Variants in E4F1 observed in about 807,000 individuals in gnomAD.
The protein encoded by E4F1 is transcription factor E4F1.
Under a neutral mutation model 72.9 loss-of-function variants are expected in E4F1, and 30 were observed. The ratio of observed to expected loss-of-function variants is 0.41; its 90% confidence interval spans 0.31 to 0.56. The LOEUF is 0.56. Ranked by LOEUF, E4F1 falls within the 20% of genes least tolerant of loss-of-function variation. The probability of loss-of-function intolerance (pLI) is 0.25; values close to 1 mark genes in which losing one functional copy is unlikely to be tolerated. For missense variants in E4F1, 1,091 were observed against 1,117.5 expected (o/e 0.98, Z 0.34); for synonymous variants, 542 against 478.2 (o/e 1.13, Z -1.74).
rs143429694 is a variant in E4F1 at position 2,235,088 on chromosome 16, C to T, written c.1943C>T (p.Ala648Val). 15 of 1,612,276 alleles carry T rather than the reference C, an allele frequency of 9.3e-6. No homozygotes were observed. In the Admixed American group the frequency reaches 1.2e-4, roughly 13 times the overall value. The change falls in exon 13 of 14, where the codon GCG (alanine) becomes GTG (valine). Residue 648 changes from alanine (A) to valine (V), a missense_variant. By Grantham distance (64) the Ala-to-Val change is moderately conservative. Transcript: ENST00000301727. ...TTCTGCCCATCTGCCCAGGCCACTG[C>T]GGACGATGCGGAGACCAGTGAGGCC... is the stretch of plus-strand genomic sequence containing the variant. The part of the protein sequence containing the change: ...DTQEYIIEAT[A>V]DDAETSEATE...
intron 4 of E4F1, 33 bp downstream of exon 4, chr16:2,232,397 T>A (rs1013157993): frequency 4.4e-6 from 7 of 1,602,080 alleles, no homozygotes; most frequent in Non-Finnish European, 6.0e-6. Context: ...AGTGTGTGGG[T>A]GGCAGGCCCC....
intron 7 of E4F1, 50 bp downstream of exon 7, chr16:2,233,233 G>T (rs753134859): frequency 6.5e-7 from 1 of 1,547,780 alleles, no homozygotes. Flanking sequence ...CTGCCTGCTC[G>T]GTGCCAGTCT....
At chr16:2,224,846 A>G (rs779637404) in intron 1 of E4F1, among the ~76,000 whole-genome samples, 2 of 152,074 alleles carry the variant, frequency 1.3e-5, no homozygotes, top group East Asian at 1.9e-4. Flanking sequence ...ATTGGATCTC[A>G]GCACTGTGAA....
intron 8 of E4F1, 44 bp downstream of exon 8, chr16:2,233,691 C>T (rs1415103299): frequency 1.3e-6 from 2 of 1,516,914 alleles, no homozygotes; most frequent in East Asian, 4.9e-5. Flanking sequence ...GGGCTGGATC[C>T]CAGGGGCTGT....
At position 2,232,304 on chromosome 16, in the gene E4F1, G is replaced by A. The variant is rs756620926; in HGVS notation, c.549G>A (p.Lys183=). The A allele has an allele frequency of 2.5e-6, 4 of 1,611,214 alleles. No homozygotes were observed. The highest frequency in any genetic ancestry group is 2.2e-5 in the South Asian group (2 of 90,826). The change falls in exon 4 of 14, where the codon AAG becomes AAA. Residue 183 remains lysine (K), a synonymous_variant. Coordinates refer to ENST00000301727, the MANE Select transcript of E4F1 (RefSeq NM_004424.5). ...GGGAGGGTGAGCAGGCCCAGGTGAAGCTACTGGTGAACAAGGATGGCCGCT... is the reference window on the plus strand; with the variant it reads ...GGGAGGGTGAGCAGGCCCAGGTGAAACTACTGGTGAACAAGGATGGCCGCT... ...LAGEGEQAQV[K]LLVNKDGRYV...
chr16:2,229,256 C>A (rs1161572960), intron 2 of E4F1, among the ~76,000 whole-genome samples: 6 of 152,268 alleles, frequency 3.9e-5, no homozygotes, highest in African/African-American at 1.4e-4. Flanking sequence ...TTCCTGCAGA[C>A]TGGCCCAGCT....
Position 2,228,403 on chromosome 16 carries a change from C to T in E4F1, c.189C>T (p.Cys63=), listed in dbSNP as rs1456526814. 11 of 1,613,830 alleles carry T rather than the reference C, an allele frequency of 6.8e-6. No individual in the cohort carries two copies. The highest frequency in any genetic ancestry group is 1.3e-5 in the African/African-American group (1 of 75,070). ...ACGATGTGCACAGATGCGGCCGCTG[C>T]CAGGCAGAGTTCACCGCCTTGGAGG... The part of the protein sequence containing the change: ...DEDDVHRCGR[C]QAEFTALEDF... The change falls in exon 2 of 14, where the codon TGC becomes TGT. Residue 63 remains cysteine, a synonymous_variant. Transcript: ENST00000301727.
intron 1 of E4F1, among the ~76,000 whole-genome samples, chr16:2,225,877 C>G (rs553821423): frequency 1.3e-5 from 2 of 151,710 alleles, no homozygotes; most frequent in African/African-American, 4.8e-5. Flanking sequence ...GGGCGGATCC[C>G]GAGGTCAGGA....
chr16:2,225,891 C>G (rs1226965787), intron 1 of E4F1, among the ~76,000 whole-genome samples: 1 of 151,118 alleles, frequency 6.6e-6, no homozygotes, highest in African/African-American at 2.4e-5. Context: ...GTCAGGAGAT[C>G]GAGACCACCC....
rs546597815 is a variant in E4F1, at chr16:2,234,842, C to G, written c.1793-17C>G. 3.9e-6 allele frequency: 6 copies of G among 1,548,044 alleles called. No homozygotes were observed. Among genetic ancestry groups the G allele is most frequent in the African/African-American group, 1.4e-5 (1 of 73,002 alleles). ...GGGCCGGGGCTTGCCTAGCCCTGAC[C>G]GAGTCCCCACCCACAGGGGGCTGCC... On this transcript the variant is annotated splice_polypyrimidine_tract_variant and intron_variant, in intron 11 of 13. Coordinates refer to ENST00000301727, the MANE Select transcript of E4F1 (RefSeq NM_004424.5).
rs35337547 is a variant in E4F1, at chr16:2,228,385, G to A, written c.171G>A (p.Val57=). 13 of 1,613,692 alleles carry A rather than the reference G, an allele frequency of 8.1e-6. No homozygotes were observed. Among genetic ancestry groups the A allele is most frequent in the African/African-American group, 8.0e-5 (6 of 74,950 alleles). The change falls in exon 2 of 14, where the codon GTG becomes GTA. Residue 57 remains valine (V), a synonymous_variant. Coordinates refer to ENST00000301727, the MANE Select transcript of E4F1 (RefSeq NM_004424.5). Reference sequence around the variant, plus strand: ...GGCTCGTTGCAGATGAGGACGATGTGCACAGATGCGGCCGCTGCCAGGCAG... The same window carrying A: ...GGCTCGTTGCAGATGAGGACGATGTACACAGATGCGGCCGCTGCCAGGCAG... ...APFSEEDEDD[V]HRCGRCQAEF...
rs1159369185 is a variant in E4F1, at chr16:2,235,577, A to G, written c.*5A>G. 1 of 1,581,772 alleles carries G rather than the reference A, an allele frequency of 6.3e-7. No homozygotes were observed. On this transcript the variant is annotated 3_prime_UTR_variant, in exon 14 of 14. Coordinates refer to ENST00000301727, the MANE Select transcript of E4F1 (RefSeq NM_004424.5). ...GTGCAGACGGTCATCGTCTAGCATG[A>G]GGTCTGCGGGGTCCTGGCCGGGCAG...
chr16:2,234,127 G>A (rs751586767), intron 9 of E4F1, 44 bp from the exon 10 acceptor site: 1 of 1,598,300 alleles, frequency 6.3e-7, no homozygotes, highest in South Asian at 1.1e-5. Context: ...GGCCTGGCGG[G>A]CCCGCGGGTG....
In E4F1 at chr16:2,223,605, C is replaced by A. The variant is rs777312272; in HGVS notation, c.-9C>A. On this transcript the variant is annotated 5_prime_UTR_variant, in exon 1 of 14. Coordinates refer to ENST00000301727, the MANE Select transcript of E4F1 (RefSeq NM_004424.5). ...GTAAATCCGCCATCTTCCTGCGGCG[C>A]GTTGCGACATGGAGGGCGCGATGGC... 2 of 1,585,170 alleles carry A rather than the reference C, an allele frequency of 1.3e-6. No individual in the cohort carries two copies. The highest frequency in any genetic ancestry group is 2.2e-5 in the South Asian group (2 of 89,442).
rs756118944 is a variant in E4F1, at chr16:2,229,621, G to A, written c.361G>A (p.Val121Met). 3 of 1,612,776 alleles carry A rather than the reference G, an allele frequency of 1.9e-6. No homozygotes were observed. Among genetic ancestry groups the A allele is most frequent in the Admixed American group, 1.7e-5 (1 of 60,014 alleles). The stretch of plus-strand genomic sequence containing the variant: ...GGAGCCCATCACTGTGGCCCACATC[G>A]TGGTGGAGGCGGCCTCTCTGGCAGC... ...PEEPITVAHI[V>M]VEAASLAADI... Residue 121 changes from valine to methionine, a missense_variant, in exon 3 of 14, where the codon GTG becomes ATG. By Grantham distance (21) the Val-to-Met change is conservative (BLOSUM62 1). Coordinates refer to ENST00000301727, the MANE Select transcript of E4F1 (RefSeq NM_004424.5).
At chr16:2,225,073 C>T (rs1241946588) in intron 1 of E4F1, among the ~76,000 whole-genome samples, 2 of 151,778 alleles carry the variant, frequency 1.3e-5, no homozygotes, top group Non-Finnish European at 2.9e-5. Context: ...ATTAGCTGGG[C>T]GTGGTGGTGC....
chr16:2,229,540 G>C (rs1304193826), intron 2 of E4F1, 30 bp from the exon 3 acceptor site: 2 of 1,599,476 alleles, frequency 1.3e-6, no homozygotes, highest in African/African-American at 1.3e-5. Flanking sequence ...GCATACAGAC[G>C]ACTCCCCTGT....
intron 13 of E4F1, 21 bp from the exon 14 acceptor site, chr16:2,235,195 T>G: frequency 1.9e-6 from 3 of 1,609,798 alleles, no homozygotes; most frequent in Non-Finnish European, 2.5e-6. Flanking sequence ...CAGCCGCTCT[T>G]GCTGAGCCGT....
intron 1 of E4F1, among the ~76,000 whole-genome samples, chr16:2,228,125 C>G (rs1322112769): frequency 6.6e-6 from 1 of 152,220 alleles, no homozygotes; most frequent in Non-Finnish European, 1.5e-5. Context: ...GCTGTCAGGG[C>G]CACCCTCTGC....
Sources: allele counts gnomAD v4.1 joint callset (sites outside exome capture counted in the v4.1 genomes callset), GRCh38; gene constraint gnomAD v4.1.1; transcripts MANE v1.5; gene names NCBI Gene and HGNC (gene_info 2026-07-23, HGNC 2026-07-21).